Variants in CSMD1 observed in about 807,000 individuals in gnomAD.
CSMD1 encodes CUB and Sushi multiple domains 1, also known as CUB and sushi domain-containing protein 1.
CSMD1 carries 213 observed loss-of-function variants against 417.5 expected under a neutral mutation model. That is an observed-to-expected ratio of 0.51 (90% CI 0.46 to 0.57). The LOEUF is 0.57. Ranked by LOEUF, CSMD1 falls within the 20% of genes least tolerant of loss-of-function variation. The probability of loss-of-function intolerance (pLI) is 0.00; values close to 1 mark genes in which losing one functional copy is unlikely to be tolerated. For synonymous variants in CSMD1, 2,862 were observed against 1,736.8 expected (o/e 1.65, Z -16.11); for missense variants, 6,923 against 4,529.7 (o/e 1.53, Z -15.17).
intron 1 of CSMD1, among the ~76,000 whole-genome samples, chr8:4,917,749 T>C (rs940784777): frequency 1.3e-5 from 2 of 152,192 alleles, no homozygotes; most frequent in Non-Finnish European, 2.9e-5. Context: ...AAAACAAGGA[T>C]GCCAAGTTCA....
At chr8:4,823,569 C>T (rs1445691556) in intron 1 of CSMD1, among the ~76,000 whole-genome samples, 1 of 152,034 alleles carries the variant, frequency 6.6e-6, no homozygotes, top group African/African-American at 2.4e-5. Flanking sequence ...TATATGAGCC[C>T]AGTACACACA....
At chr8:3,547,121 C>A (rs545155461) in intron 10 of CSMD1, among the ~76,000 whole-genome samples, 1 of 152,194 alleles carries the variant, frequency 6.6e-6, no homozygotes, top group Non-Finnish European at 1.5e-5. Context: ...AACCCTCATG[C>A]TGCCATTCAC....
chr8:4,561,110 A>G (rs1798311769), intron 2 of CSMD1, among the ~76,000 whole-genome samples: 2 of 152,186 alleles, frequency 1.3e-5, no homozygotes, highest in Admixed American at 1.3e-4. Context: ...AGTGGCTCAC[A>G]TCTGTAATTC....
intron 2 of CSMD1, among the ~76,000 whole-genome samples, chr8:4,634,811 T>C (rs1802728040): frequency 6.6e-6 from 1 of 152,122 alleles, no homozygotes; most frequent in Non-Finnish European, 1.5e-5. Flanking sequence ...CCTCATGTGT[T>C]TTCCCTGACA....
At chr8:4,502,227 C>G (rs868015150) in intron 2 of CSMD1, among the ~76,000 whole-genome samples, 2 of 151,912 alleles carry the variant, frequency 1.3e-5, no homozygotes, top group Admixed American at 1.3e-4. Context: ...GTAGAATGAG[C>G]AGAACGTAGA....
rs532121144 is a variant in CSMD1 at position 3,149,900 on chromosome 8, T to C, written c.6031+1497A>G. ...TCAGATTTCTCTCATTCTCTGATGT[T>C]AATGACTATAATAATTTGACCAACA... On this transcript the variant is annotated intron_variant, in intron 40 of 69. Transcript: ENST00000635120. Among the ~76,000 whole-genome samples, 13 of 152,316 alleles carry C rather than the reference T, an allele frequency of 8.5e-5. No individual in the cohort carries two copies. In the East Asian group the frequency reaches 1.5e-3, roughly 18 times the overall value.
In CSMD1 at chr8:4,835,407, T is replaced by C. The variant is rs563073155; in HGVS notation, c.85+158925A>G. On this transcript the variant is annotated intron_variant, in intron 1 of 69. Transcript: ENST00000635120. The stretch of plus-strand genomic sequence containing the variant: ...GGAAGCTGAGCATATGATTTCACCA[T>C]TAGCAAACATTAAGAGACAAGAGGT... Among the ~76,000 whole-genome samples, 78 of 152,240 alleles carry C rather than the reference T, an allele frequency of 5.1e-4. 1 individual carries two copies. Among genetic ancestry groups the C allele is most frequent in the Non-Finnish European group, 1.0e-4 (7 of 68,016 alleles).
At chr8:3,674,127 T>G (rs994067322) in intron 7 of CSMD1, among the ~76,000 whole-genome samples, 2 of 151,804 alleles carry the variant, frequency 1.3e-5, no homozygotes, top group Non-Finnish European at 2.9e-5. Flanking sequence ...AAAATCTCCC[T>G]AGAAACTGTC....
chr8:4,334,155 C>T (rs1585253526), intron 3 of CSMD1, among the ~76,000 whole-genome samples: 2 of 152,096 alleles, frequency 1.3e-5, no homozygotes, highest in South Asian at 2.1e-4. Flanking sequence ...TATCCTCTGG[C>T]CTCAGCTTCC....
chr8:4,529,321 T>C (rs2130445154), intron 2 of CSMD1, among the ~76,000 whole-genome samples: 1 of 152,248 alleles, frequency 6.6e-6, no homozygotes, highest in East Asian at 1.9e-4. Flanking sequence ...GCAAAAAAAA[T>C]TACAAGAATC....
intron 3 of CSMD1, among the ~76,000 whole-genome samples, chr8:4,147,672 C>T (rs1041664364): frequency 1.3e-5 from 2 of 152,100 alleles, no homozygotes; most frequent in Non-Finnish European, 2.9e-5. Context: ...ATGGGAACCC[C>T]ATTCTTTGAA....
At chr8:4,147,550 T>G (rs1647366) in intron 3 of CSMD1, among the ~76,000 whole-genome samples, 7 of 152,132 alleles carry the variant, frequency 4.6e-5, no homozygotes, top group South Asian at 2.1e-4. Flanking sequence ...TAATTAGTCA[T>G]GTATAAACCT....
At chr8:4,280,720 C>A (rs1354291847) in intron 3 of CSMD1, among the ~76,000 whole-genome samples, 3 of 152,076 alleles carry the variant, frequency 2.0e-5, no homozygotes, top group African/African-American at 7.2e-5. Flanking sequence ...CCGTGTAAGC[C>A]ATAAATATAA....
chr8:4,556,951 A>G (rs758250028), intron 2 of CSMD1, among the ~76,000 whole-genome samples: 3 of 152,218 alleles, frequency 2.0e-5, no homozygotes, highest in Non-Finnish European at 4.4e-5. Context: ...TTCAACCTGT[A>G]TCTGCTTTAT....
At chr8:3,097,144 C>CACA in intron 46 of CSMD1, 107 bp from the exon 47 acceptor site, 1 of 902,222 alleles carries the variant, frequency 1.1e-6, no homozygotes. Context: ...AAAAAGCAAT[C>CACA]TTATTGAGCT....
chr8:4,868,266 C>T (rs528911063), intron 1 of CSMD1, among the ~76,000 whole-genome samples: 1 of 152,192 alleles, frequency 6.6e-6, no homozygotes, highest in East Asian at 1.9e-4. Context: ...CAGAGTTTCA[C>T]ACTTTCACCC....
chr8:3,590,994 G>C (rs1460030215), intron 8 of CSMD1, among the ~76,000 whole-genome samples: 1 of 152,062 alleles, frequency 6.6e-6, no homozygotes, highest in Non-Finnish European at 1.5e-5. Context: ...AATCTAACTT[G>C]GTTTTCTGGA....
intron 3 of CSMD1, among the ~76,000 whole-genome samples, chr8:4,122,272 G>C (rs1307959822): frequency 6.6e-6 from 1 of 152,006 alleles, no homozygotes; most frequent in Non-Finnish European, 1.5e-5. Flanking sequence ...CTTAAGACCT[G>C]GTTATTTATA....
At chr8:3,453,164 T>C (rs1373112837) in intron 12 of CSMD1, among the ~76,000 whole-genome samples, 1 of 152,152 alleles carries the variant, frequency 6.6e-6, no homozygotes, top group Non-Finnish European at 1.5e-5. Context: ...GGTGGTGATA[T>C]CCCCTTCATT....
Sources: gnomAD v4.1 joint callset for allele counts (sites outside exome capture counted in the v4.1 genomes callset) on GRCh38, gnomAD v4.1.1 for gene constraint, MANE v1.5 for transcripts, NCBI Gene and HGNC (gene_info 2026-07-23, HGNC 2026-07-21) for gene names.